Variants in SDF2L1 observed in about 807,000 individuals in gnomAD.
SDF2L1 encodes stromal cell-derived factor 2-like protein 1.
In SDF2L1, 18 loss-of-function variants were observed where a neutral mutation model predicts 19.4. That is an observed-to-expected ratio of 0.93 (90% CI 0.64 to 1.38). SDF2L1 has a LOEUF of 1.38. Among genes scored for constraint, SDF2L1 ranks in the 40% most tolerant of loss-of-function variants. The probability of loss-of-function intolerance (pLI) is 0.00; values close to 1 mark genes in which losing one functional copy is unlikely to be tolerated. For synonymous variants in SDF2L1, 161 were observed against 148.9 expected, an observed-to-expected ratio of 1.08 and a Z score of -0.59; for missense variants, 263 against 319.4, an observed-to-expected ratio of 0.82 and a Z score of 1.35.
intron 2 of SDF2L1, chr22:21,643,261 C>CGACGG: frequency 1.6e-6 from 1 of 638,980 alleles, no homozygotes; most frequent in Non-Finnish European, 2.7e-6. Context: ...GCAGGGAGAA[C>CGACGG]GACGGGAGAG....
intron 1 of SDF2L1, 72 bp from the exon 2 acceptor site, chr22:21,642,790 C>A: frequency 6.6e-7 from 1 of 1,516,158 alleles, no homozygotes. Flanking sequence ...GGGACATGTT[C>A]TGGTCCCAGG....
intron 2 of SDF2L1, 132 bp downstream of exon 2, chr22:21,643,190 G>C: frequency 1.7e-6 from 2 of 1,146,648 alleles, no homozygotes; most frequent in South Asian, 3.1e-5. Flanking sequence ...GTTACTGAGC[G>C]CCCCCTCGGG....
intron 2 of SDF2L1, 37 bp downstream of exon 2, chr22:21,643,095 C>G: frequency 6.5e-7 from 1 of 1,545,048 alleles, no homozygotes; most frequent in Non-Finnish European, 8.7e-7. Context: ...AGACTCCTGG[C>G]CTGTGTGAGG....
intron 1 of SDF2L1, 139 bp downstream of exon 1, chr22:21,642,662 G>T: frequency 8.2e-7 from 1 of 1,216,388 alleles, no homozygotes; most frequent in Non-Finnish European, 1.1e-6. Flanking sequence ...GAGGTCGAGG[G>T]GCCAAAGCTT....
chr22:21,642,634 G>A, intron 1 of SDF2L1, 111 bp downstream of exon 1: 2 of 1,345,088 alleles, frequency 1.5e-6, no homozygotes, highest in Non-Finnish European at 2.0e-6. Context: ...CGGGCGGCGG[G>A]GGCTCTAGAG....
rs1342112739 is a variant in SDF2L1 at position 21,642,957 on chromosome 22, G to A, written c.283G>A (p.Gly95Arg). The change falls in exon 2 of 3, where the codon GGG becomes AGG. Residue 95 changes from glycine to arginine, a missense_variant. By Grantham distance (125) the Gly-to-Arg change is moderately radical. This residue lies in a region of SDF2L1 where 203 missense variants were observed against 256.9 expected (regional missense o/e 0.79). Coordinates refer to ENST00000248958, the MANE Select transcript of SDF2L1 (RefSeq NM_022044.3). Reference sequence around the variant, plus strand: ...CGGCTCGGAGGGCGGGTGCCCGCGCGGGTCCCCGGTGCGCTGCGGGCAGGC... The same window carrying A: ...CGGCTCGGAGGGCGGGTGCCCGCGCAGGTCCCCGGTGCGCTGCGGGCAGGC... Reference protein sequence around the residue: ...RGGSEGGCPRGSPVRCGQAVR... With the variant: ...RGGSEGGCPRRSPVRCGQAVR... 4.5e-6 allele frequency: 7 copies of A among 1,571,064 alleles called. No individual in the cohort carries two copies. The highest frequency in any genetic ancestry group is 1.7e-6 in the Non-Finnish European group (2 of 1,160,110).
Position 21,642,994 on chromosome 22 carries a change from C to T in SDF2L1, c.320C>T (p.Thr107Met), listed in dbSNP as rs377621206. The change falls in exon 2 of 3, where the codon ACG becomes ATG. Residue 107 changes from threonine to methionine, a missense_variant. This residue lies in a region of SDF2L1 where 203 missense variants were observed against 256.9 expected (regional missense o/e 0.79). Transcript: ENST00000248958. Reference protein sequence around the residue: ...PVRCGQAVRLTHVLTGKNLHT... With the variant: ...PVRCGQAVRLMHVLTGKNLHT... ...CGCTGCGGGCAGGCGGTGAGGCTCA[C>T]GCATGTGCTTACGGGCAAGAACCTG... 1.9e-6 allele frequency: 3 copies of T among 1,566,252 alleles called. No individual in the cohort carries two copies. The highest frequency in any genetic ancestry group is 2.4e-5 in the East Asian group (1 of 42,194).
rs374864549 is a variant in SDF2L1, at chr22:21,644,163, C to T, written c.654C>T (p.His218=). ...CTAGTGTGGAGCCCTCTGCAGGTCACGATGAACTCTGAGTGTGTGGATGGA... is the reference window on the plus strand; with the variant it reads ...CTAGTGTGGAGCCCTCTGCAGGTCATGATGAACTCTGAGTGTGTGGATGGA... ...IKPSVEPSAG[H]DEL The change falls in exon 3 of 3, where the codon CAC becomes CAT. Residue 218 remains histidine (H), a synonymous_variant. Transcript: ENST00000248958. The T allele has an allele frequency of 1.1e-5, 18 of 1,613,760 alleles. No individual in the cohort carries two copies. The highest frequency in any genetic ancestry group is 6.7e-5 in the Admixed American group (4 of 60,024).
At chr22:21,643,361 A>G in intron 2 of SDF2L1, 1 of 542,262 alleles carries the variant, frequency 1.8e-6, no homozygotes, top group Non-Finnish European at 3.3e-6. Context: ...GGTGGGGAAT[A>G]GGAAACTCCA....
At chr22:21,643,337 C>T in intron 2 of SDF2L1, 2 of 550,502 alleles carry the variant, frequency 3.6e-6, no homozygotes, top group Non-Finnish European at 6.4e-6. Context: ...GAGGGGAATC[C>T]ACACAGCCTT....
At chr22:21,642,720 C>A in intron 1 of SDF2L1, 142 bp from the exon 2 acceptor site, 3 of 1,118,612 alleles carry the variant, frequency 2.7e-6, no homozygotes, top group Non-Finnish European at 3.7e-6. Context: ...CGGGGAACTG[C>A]GGGCCCAAAG....
chr22:21,642,744 C>T, intron 1 of SDF2L1, 118 bp from the exon 2 acceptor site: 1 of 1,280,930 alleles, frequency 7.8e-7, no homozygotes, highest in Non-Finnish European at 1.1e-6. Context: ...GAGGGGGTGT[C>T]AGGCGGGGGC....
In SDF2L1 at chr22:21,642,375, GC is replaced by G; in HGVS notation, c.40del (p.Leu14CysfsTer9). 1 of 1,432,834 alleles carries G rather than the reference GC, an allele frequency of 7.0e-7. No individual in the cohort carries two copies. The highest frequency in any genetic ancestry group is 9.1e-7 in the Non-Finnish European group (1 of 1,102,900). 88.8% of individuals were successfully genotyped at this position (1,432,834 alleles called of 1,614,324 possible). On this transcript the variant is annotated frameshift_variant, in exon 1 of 3. Coordinates refer to ENST00000248958, the MANE Select transcript of SDF2L1 (RefSeq NM_022044.3). LOFTEE classifies it high-confidence loss of function. The stretch of plus-strand genomic sequence containing the variant: ...GCCGCGGCGGGGCTGCCTGGCCGGT[GC>G]TGTTGGGGCTGCTGCTGGCGCTGTT... ...AGRGGAAWPV[L>X]LGLLLALLVP... is the part of the protein sequence containing the mutation.
Position 21,644,100 on chromosome 22 carries a change from C to T in SDF2L1, c.591C>T (p.His197=), listed in dbSNP as rs115097172. 6.2e-7 allele frequency: 1 copy of T among 1,614,136 alleles called. No homozygotes were observed. Residue 197 remains histidine (H), a synonymous_variant, in exon 3 of 3, where the codon CAC becomes CAT. Coordinates refer to ENST00000248958, the MANE Select transcript of SDF2L1 (RefSeq NM_022044.3). ...EVHGMPSANT[H]NTWKAMEGIF... ...ACGGCATGCCCAGTGCCAACACGCA[C>T]AATACGTGGAAGGCCATGGAAGGCA...
In SDF2L1 at chr22:21,642,801, G is replaced by A. The variant is rs554232414; in HGVS notation, c.188-61G>A. The A allele has an allele frequency of 3.8e-5, 59 of 1,533,846 alleles. No individual in the cohort carries two copies. In the East Asian group the frequency reaches 1.4e-3, roughly 36 times the overall value. ...CCCTGGGACATGTTCTGGTCCCAGG[G>A]CGAGGGTCCGGGGTTCCGCGATTGA... On this transcript the variant is annotated intron_variant, in intron 1 of 2. Transcript: ENST00000248958.
intron 1 of SDF2L1, 137 bp from the exon 2 acceptor site, chr22:21,642,725 C>T: frequency 8.2e-7 from 1 of 1,216,784 alleles, no homozygotes; most frequent in Non-Finnish European, 1.1e-6. Flanking sequence ...AACTGCGGGC[C>T]CAAAGACTGA....
In SDF2L1 at chr22:21,643,934, T is replaced by C. The variant is rs1392086051; in HGVS notation, c.425T>C (p.Leu142Pro). The change falls in exon 3 of 3, where the codon CTG becomes CCG. Residue 142 changes from leucine to proline, a missense_variant. By Grantham distance (98) the Leu-to-Pro change is moderately conservative (BLOSUM62 -3). This residue lies in a region of SDF2L1 where 203 missense variants were observed against 256.9 expected (regional missense o/e 0.79). Transcript: ENST00000248958. ...GGGGAAGACGGCGAGGGCGACGACCTGGACCTATGGACAGTGCGCTGCTCT... is the reference window on the plus strand; with the variant it reads ...GGGGAAGACGGCGAGGGCGACGACCCGGACCTATGGACAGTGCGCTGCTCT... ...AFGEDGEGDD[L>P]DLWTVRCSGQ... is the part of the protein sequence containing the mutation. The C allele has an allele frequency of 6.2e-7, 1 of 1,613,896 alleles. No homozygotes were observed. Among genetic ancestry groups the C allele is most frequent in the African/African-American group, 1.3e-5 (1 of 74,896 alleles).
At position 21,642,537 on chromosome 22, in the gene SDF2L1, G is replaced by A; in HGVS notation, c.187+14G>A. 1 of 1,512,182 alleles carries A rather than the reference G, an allele frequency of 6.6e-7. No homozygotes were observed. The highest frequency in any genetic ancestry group is 1.4e-5 in the African/African-American group (1 of 70,270). 93.7% of individuals were successfully genotyped at this position (1,512,182 alleles called of 1,614,324 possible). ...AATACGGATCCGGTGCGTGGGGCCA[G>A]CGACTGGGAGAGCGCGGGGAACCGG... On this transcript the variant is annotated intron_variant, in intron 1 of 2. Transcript: ENST00000248958.
chr22:21,643,220 C>T lies in SDF2L1; in HGVS notation c.384+162C>T, dbSNP rs1036541101. On this transcript the variant is annotated intron_variant, in intron 2 of 2. Transcript: ENST00000248958. The stretch of plus-strand genomic sequence containing the variant: ...CTCGGGGGACACAGAGTAACTCCGC[C>T]AGGATCCTGCCCTCAGGTGCTCCCG... 119 of 860,596 alleles carry T rather than the reference C, an allele frequency of 1.4e-4. No homozygotes were observed. In the Middle Eastern group the frequency reaches 1.8e-3, roughly 13 times the overall value. 53.3% of individuals were successfully genotyped at this position (860,596 alleles called of 1,614,324 possible). A position where few individuals can be genotyped will look rare whatever the true frequency, so the allele number is the denominator to read the frequency against.
Sources: allele counts gnomAD v4.1 joint callset, GRCh38; gene constraint gnomAD v4.1.1; regional missense constraint gnomAD v4.1.1; transcripts MANE v1.5; gene names NCBI Gene and HGNC (gene_info 2026-07-23, HGNC 2026-07-21).